Variants in ZFYVE28 observed in about 807,000 individuals in gnomAD.
ZFYVE28 encodes lateral signaling target protein 2 homolog.
A neutral mutation model predicts 82.1 loss-of-function variants in ZFYVE28; 40 were observed. The ratio of observed to expected loss-of-function variants is 0.49; its 90% CI spans 0.38 to 0.63. The LOEUF (loss-of-function observed/expected upper bound fraction) is 0.63, where lower values mean the gene tolerates loss of function less well. ZFYVE28 is among the 30% of genes least tolerant of loss of function. ZFYVE28 has a pLI of 0.00. For missense variants in ZFYVE28, 1,321 were observed against 1,242.1 expected (o/e 1.06, Z -0.96); for synonymous variants, 612 against 546.1 (o/e 1.12, Z -1.68).
intron 1 of ZFYVE28, among the ~76,000 whole-genome samples, chr4:2,380,301 T>C (rs1302730778): frequency 6.6e-6 from 1 of 152,182 alleles, no homozygotes; most frequent in Admixed American, 6.5e-5. Flanking sequence ...TGTTCCTGCG[T>C]TTTGACTTAG....
intron 1 of ZFYVE28, among the ~76,000 whole-genome samples, chr4:2,354,352 A>C (rs1724924812): frequency 6.6e-6 from 1 of 152,060 alleles, no homozygotes; most frequent in Non-Finnish European, 1.5e-5. Flanking sequence ...CACCCCAGAC[A>C]CAAGGTCCTC....
intron 9 of ZFYVE28, 53 bp downstream of exon 9, chr4:2,274,009 C>T (rs1424029446): frequency 6.3e-6 from 10 of 1,594,120 alleles, no homozygotes; most frequent in South Asian, 2.2e-5. Flanking sequence ...TCCCCTAAAG[C>T]GCAGCCCGTG....
chr4:2,353,916 G>A lies in ZFYVE28; in HGVS notation c.180+17C>T. The A allele has an allele frequency of 4.0e-6, 6 of 1,492,052 alleles. No individual in the cohort carries two copies. Among genetic ancestry groups the A allele is most frequent in the Non-Finnish European group, 5.4e-6 (6 of 1,115,658 alleles). 92.4% of individuals were successfully genotyped at this position (1,492,052 alleles called of 1,614,324 possible). ...TGCCCAGCGGGGCCAGCCAGCTTCT[G>A]CTGCCCCGTGGCTCACCTGACAGGA... is the stretch of plus-strand genomic sequence containing the variant. On this transcript the variant is annotated intron_variant, in intron 2 of 12. Transcript: ENST00000290974.
chr4:2,341,918 G>T lies in ZFYVE28; in HGVS notation c.181-303C>A, dbSNP rs907560428. ...ACCTGTAATCCCAGCTATTAGGGAG[G>T]CTGAGGCAGGAGAATCACTTGAACC... is the stretch of plus-strand genomic sequence containing the variant. On this transcript the variant is annotated intron_variant, in intron 2 of 12. Coordinates refer to ENST00000290974, the MANE Select transcript of ZFYVE28 (RefSeq NM_020972.3). The surrounding 1 kb of genome is among the most constrained non-coding windows in gnomAD (Gnocchi z 4.5). Among the ~76,000 whole-genome samples, 1 of 152,200 alleles carries T rather than the reference G, an allele frequency of 6.6e-6. No individual in the cohort carries two copies. The highest frequency in any genetic ancestry group is 6.5e-5 in the Admixed American group (1 of 15,280).
At chr4:2,297,269 A>C (rs953357986) in intron 8 of ZFYVE28, among the ~76,000 whole-genome samples, 1 of 152,196 alleles carries the variant, frequency 6.6e-6, no homozygotes, top group Non-Finnish European at 1.5e-5. Flanking sequence ...GATTTGCAGC[A>C]GCGACCTCAC....
At chr4:2,333,771 C>T (rs536911014) in intron 6 of ZFYVE28, among the ~76,000 whole-genome samples, 2 of 152,348 alleles carry the variant, frequency 1.3e-5, no homozygotes, top group African/African-American at 4.8e-5. Flanking sequence ...CAGCGCCCTG[C>T]GCCCTGGTGG....
chr4:2,351,269 T>C (rs1173345144), intron 2 of ZFYVE28, among the ~76,000 whole-genome samples: 1 of 152,142 alleles, frequency 6.6e-6, no homozygotes, highest in Non-Finnish European at 1.5e-5. Flanking sequence ...ACCCTACTCA[T>C]CTGGTCATGG....
intron 8 of ZFYVE28, chr4:2,287,685 C>T (rs1712968453): frequency 1.3e-5 from 2 of 152,218 alleles, no homozygotes; most frequent in African/African-American, 2.4e-5. Flanking sequence ...AAGGGGTGTC[C>T]CAGGCGCCCT....
chr4:2,323,478 T>A (rs1306423066), intron 6 of ZFYVE28, among the ~76,000 whole-genome samples: 2 of 152,210 alleles, frequency 1.3e-5, no homozygotes, highest in African/African-American at 2.4e-5. Context: ...TTTGCAAATA[T>A]TCTTTAGGTT....
At chr4:2,314,430 A>G (rs1717917787) in intron 7 of ZFYVE28, among the ~76,000 whole-genome samples, 1 of 152,126 alleles carries the variant, frequency 6.6e-6, no homozygotes, top group South Asian at 2.1e-4. Context: ...TGTATCTTTC[A>G]TCTTACTATT....
chr4:2,306,340 G>A (rs547241650), intron 7 of ZFYVE28, among the ~76,000 whole-genome samples: 4 of 152,380 alleles, frequency 2.6e-5, no homozygotes, highest in East Asian at 3.9e-4. Context: ...GAGGAAGTGC[G>A]CTTTGCAGAG....
Position 2,335,613 on chromosome 4 carries a change from G to T in ZFYVE28, c.701+92C>A. 1 of 1,236,998 alleles carries T rather than the reference G, an allele frequency of 8.1e-7. No homozygotes were observed. Among genetic ancestry groups the T allele is most frequent in the Non-Finnish European group, 1.1e-6 (1 of 872,954 alleles). 76.6% of individuals were successfully genotyped at this position (1,236,998 alleles called of 1,614,324 possible). ...TGAGCGGCCACCGTGAGGTGGAGAC[G>T]CCATGGACCGGCACCCGCACGGGAC... On this transcript the variant is annotated intron_variant, in intron 6 of 12. Transcript: ENST00000290974. This position sits in a 1 kb window ranked among gnomAD's most constrained non-coding sequence, Gnocchi z 5.8.
At position 2,338,420 on chromosome 4, in the gene ZFYVE28, G is replaced by A. The variant is rs188165721; in HGVS notation, c.522-924C>T. ...AGGCTGGCCAACATGGTAAAACCCT[G>A]TATCTACTGAAAACACAAAAAAATG... On this transcript the variant is annotated intron_variant, in intron 4 of 12. Transcript: ENST00000290974. Among the ~76,000 whole-genome samples the A allele has an allele frequency of 3.3e-5, 5 of 152,210 alleles. No homozygotes were observed. The East Asian group carries it at 7.7e-4, about 24-fold the overall frequency.
intron 6 of ZFYVE28, among the ~76,000 whole-genome samples, chr4:2,329,748 G>A (rs530538150): frequency 6.6e-5 from 10 of 152,220 alleles, no homozygotes; most frequent in African/African-American, 2.2e-4. Context: ...AATACACTGG[G>A]GATGTTTTTG....
At chr4:2,343,484 C>CA (rs1294800533) in intron 2 of ZFYVE28, 4 of 152,146 alleles carry the variant, frequency 2.6e-5, no homozygotes, top group Admixed American at 2.6e-4. Flanking sequence ...CTTTATAATA[C>CA]AAAAAATAAA....
rs1732175038 is a variant in ZFYVE28 at position 2,408,600 on chromosome 4, C to T, written c.39+9685G>A. Among the ~76,000 whole-genome samples the T allele has an allele frequency of 6.6e-6, 1 of 152,172 alleles. No individual in the cohort carries two copies. Among genetic ancestry groups the T allele is most frequent in the Non-Finnish European group, 1.5e-5 (1 of 68,026 alleles). ...CAGTTGGGCCCCGCCCAGGTAAGCC[C>T]CATCTAGATGAAGCCCCACCCAGGT... On this transcript the variant is annotated intron_variant, in intron 1 of 12. Transcript: ENST00000290974. The surrounding 1 kb of genome is among the most constrained non-coding windows in gnomAD (Gnocchi z 4.3).
Position 2,372,379 on chromosome 4 carries a change from C to A in ZFYVE28, c.40-18306G>T, listed in dbSNP as rs925848619. On this transcript the variant is annotated intron_variant, in intron 1 of 12. Coordinates refer to ENST00000290974, the MANE Select transcript of ZFYVE28 (RefSeq NM_020972.3). This position sits in a 1 kb window ranked among gnomAD's most constrained non-coding sequence, Gnocchi z 5.2. Reference sequence around the variant, plus strand: ...TTCCATCGCCGCCTCCTGCCACCACCGCTCCCGCCATCCTCCTTCTAGTCC... The same window carrying A: ...TTCCATCGCCGCCTCCTGCCACCACAGCTCCCGCCATCCTCCTTCTAGTCC... 1.3e-5 allele frequency among the ~76,000 whole-genome samples: 2 copies of A among 152,112 alleles called. No homozygotes were observed. The highest frequency in any genetic ancestry group is 4.8e-5 in the African/African-American group (2 of 41,410).
intron 1 of ZFYVE28, among the ~76,000 whole-genome samples, chr4:2,403,067 G>T (rs1461713269): frequency 6.6e-6 from 1 of 152,214 alleles, no homozygotes; most frequent in African/African-American, 2.4e-5. Flanking sequence ...GACAATGCAG[G>T]GCACACAGAA....
At chr4:2,415,062 T>G (rs1732891271) in intron 1 of ZFYVE28, among the ~76,000 whole-genome samples, 1 of 152,238 alleles carries the variant, frequency 6.6e-6, no homozygotes, top group African/African-American at 2.4e-5. Flanking sequence ...AAAAATCATA[T>G]TGGTGTTTAA....
Sources: gnomAD v4.1 joint callset for allele counts (sites outside exome capture counted in the v4.1 genomes callset) on GRCh38, gnomAD v4.1.1 for gene constraint, Gnocchi (gnomAD v3.1) non-coding constraint, MANE v1.5 for transcripts, NCBI Gene and HGNC (gene_info 2026-07-23, HGNC 2026-07-21) for gene names.